Variants in KIF2C observed in about 807,000 individuals in gnomAD.
The protein encoded by KIF2C is kinesin family member 2C.
KIF2C carries 34 observed loss-of-function variants against 97.4 expected under a neutral mutation model. The observed-to-expected ratio is 0.35, with a 90% CI of 0.27 to 0.46. KIF2C has a LOEUF of 0.46. Ranked by LOEUF, KIF2C falls within the 20% of genes least tolerant of loss-of-function variation. The pLI is 1.00. For missense variants in KIF2C, 750 were observed against 907.6 expected, an observed-to-expected ratio of 0.83 and a Z score of 2.23; for synonymous variants, 313 against 318.2, an observed-to-expected ratio of 0.98 and a Z score of 0.17.
chr1:44,758,024 T>G, intron 12 of KIF2C, 25 bp from the exon 13 acceptor site: 2 of 1,614,202 alleles, frequency 1.2e-6, no homozygotes, highest in Non-Finnish European at 1.7e-6. Context: ...GCAGGTTGTT[T>G]GCTTAGCAAA....
intron 8 of KIF2C, among the ~76,000 whole-genome samples, chr1:44,755,096 A>G (rs1252551532): frequency 6.6e-6 from 1 of 151,870 alleles, no homozygotes; most frequent in Admixed American, 6.6e-5. Flanking sequence ...AGCTGGGACC[A>G]TAGATGCATT....
intron 5 of KIF2C, among the ~76,000 whole-genome samples, chr1:44,752,133 A>ATTTTTT (rs1176639607): frequency 1.7e-4 from 14 of 81,466 alleles, no homozygotes; most frequent in South Asian, 3.9e-4. Context: ...ATTAAATTGA[A>ATTTTTT]TTTTTTTTTT....
At chr1:44,750,592 C>A in intron 5 of KIF2C, 28 bp downstream of exon 5, 3 of 1,496,718 alleles carry the variant, frequency 2.0e-6, no homozygotes, top group Non-Finnish European at 1.8e-6. Flanking sequence ...CCCCAACCAC[C>A]ATGTTTGAGG....
At position 44,766,206 on chromosome 1, in the gene KIF2C, T is replaced by TG. The variant is rs1334819731; in HGVS notation, c.1972-619dup. On this transcript the variant is annotated intron_variant, in intron 19 of 20. Transcript: ENST00000372224. ...GCACACCACTTCACTCCAGCCTGGGTGACAGAGTGAGACTCCATCTCAAAA... is the reference window on the plus strand; with the variant it reads ...GCACACCACTTCACTCCAGCCTGGGTGGACAGAGTGAGACTCCATCTCAAAA... 2.7e-5 allele frequency among the ~76,000 whole-genome samples: 4 copies of TG among 148,898 alleles called. No homozygotes were observed. In the Admixed American group the frequency reaches 2.7e-4, roughly 10 times the overall value.
intron 2 of KIF2C, among the ~76,000 whole-genome samples, chr1:44,745,039 A>T (rs758906604): frequency 5.4e-5 from 8 of 149,322 alleles, no homozygotes; most frequent in Non-Finnish European, 8.9e-5. Flanking sequence ...AAAATACAAA[A>T]TTAGCTGGAC....
rs543233725 is a variant in KIF2C, at chr1:44,760,828, C to T, written c.1683+126C>T. 13 of 716,910 alleles carry T rather than the reference C, an allele frequency of 1.8e-5. No homozygotes were observed. The highest frequency in any genetic ancestry group is 2.9e-5 in the Non-Finnish European group (12 of 417,052). The allele number at this position is 716,910 out of a possible 1,614,324, so 44.4% of individuals were successfully genotyped here. On this transcript the variant is annotated intron_variant, in intron 16 of 20. Transcript: ENST00000372224. The surrounding 1 kb of genome is among the most constrained non-coding windows in gnomAD (Gnocchi z 4.2). Reference sequence around the variant, plus strand: ...GGCTGCCTGGGTTTCCAGGCTGTACCGTGACTGGGCTTCCAGACCCTGCTT... The same window carrying T: ...GGCTGCCTGGGTTTCCAGGCTGTACTGTGACTGGGCTTCCAGACCCTGCTT...
chr1:44,760,366 A>C lies in KIF2C; in HGVS notation c.1454A>C (p.His485Pro). The C allele has an allele frequency of 1.2e-6, 2 of 1,614,220 alleles. No homozygotes were observed. Among genetic ancestry groups the C allele is most frequent in the Non-Finnish European group, 8.5e-7 (1 of 1,180,040 alleles). ...ATTCTTCGAGCTAAAGGGAGAATGC[A>C]TGGCAAGTTCTCTTTGGTAGATCTG... The part of the protein sequence containing the change: ...QIILRAKGRM[H>P]GKFSLVDLAG... The change falls in exon 15 of 21, where the codon CAT (histidine) becomes CCT (proline). Residue 485 changes from histidine to proline, a missense_variant. Physicochemically the swap from His to Pro is moderately conservative, Grantham distance 77. Coordinates refer to ENST00000372224, the MANE Select transcript of KIF2C (RefSeq NM_006845.4). This position sits in a 1 kb window ranked among gnomAD's most constrained non-coding sequence, Gnocchi z 4.2.
intron 2 of KIF2C, among the ~76,000 whole-genome samples, chr1:44,743,377 T>A (rs865983829): frequency 1.3e-5 from 2 of 152,136 alleles, no homozygotes; most frequent in Admixed American, 1.3e-4. Context: ...CCTCACAGGG[T>A]TGTTGTGAGG....
At chr1:44,755,299 T>G (rs1479791299) in intron 8 of KIF2C, among the ~76,000 whole-genome samples, 2 of 152,066 alleles carry the variant, frequency 1.3e-5, no homozygotes, top group Non-Finnish European at 2.9e-5. Context: ...AGAGTCTCGC[T>G]CTGTCGCCCA....
chr1:44,767,007 C>T, intron 20 of KIF2C, 58 bp downstream of exon 20: 1 of 1,611,588 alleles, frequency 6.2e-7, no homozygotes, highest in Non-Finnish European at 8.5e-7. Context: ...GGCTCTTGGG[C>T]AGCTGCAGGT....
Position 44,767,362 on chromosome 1 carries a change from T to C in KIF2C, c.*183T>C. Reference sequence around the variant, plus strand: ...AGGGGGTCAGAGTGACATGGGACACTCCTTTTCTGTTCCTCAGTTGTCGCC... The same window carrying C: ...AGGGGGTCAGAGTGACATGGGACACCCCTTTTCTGTTCCTCAGTTGTCGCC... On this transcript the variant is annotated 3_prime_UTR_variant, in exon 21 of 21. Transcript: ENST00000372224. 1.8e-6 allele frequency: 1 copy of C among 557,592 alleles called. No individual in the cohort carries two copies. Among genetic ancestry groups the C allele is most frequent in the Non-Finnish European group, 3.2e-6 (1 of 307,902 alleles). 34.5% of individuals were successfully genotyped at this position (557,592 alleles called of 1,614,324 possible).
intron 4 of KIF2C, among the ~76,000 whole-genome samples, chr1:44,748,572 A>C (rs570363988): frequency 1.3e-5 from 2 of 152,196 alleles, no homozygotes; most frequent in South Asian, 4.2e-4. Context: ...GCAGGGTCTC[A>C]CTTGGTTGTC....
intron 6 of KIF2C, 79 bp downstream of exon 6, chr1:44,753,333 C>A: frequency 1.4e-6 from 2 of 1,477,928 alleles, no homozygotes; most frequent in South Asian, 1.4e-5. Flanking sequence ...CCTGGCCTAC[C>A]TTGGCACCTG....
intron 19 of KIF2C, among the ~76,000 whole-genome samples, chr1:44,764,720 G>T (rs1252428258): frequency 2.6e-5 from 4 of 151,482 alleles, no homozygotes; most frequent in African/African-American, 4.8e-5. Flanking sequence ...TGTTGGTCAG[G>T]CTGGTCTCGA....
At chr1:44,748,597 A>G in intron 4 of KIF2C, among the ~76,000 whole-genome samples, 1 of 152,072 alleles carries the variant, frequency 6.6e-6, no homozygotes, top group Admixed American at 6.6e-5. Context: ...CTGGAATACC[A>G]TGATATGATC....
chr1:44,754,625 G>C, intron 7 of KIF2C, 125 bp from the exon 8 acceptor site: 2 of 754,180 alleles, frequency 2.7e-6, no homozygotes, highest in Non-Finnish European at 4.8e-6. Flanking sequence ...TCAACCCAGA[G>C]CCAGGGCAGG....
In KIF2C at chr1:44,747,331, G is replaced by A. The variant is rs184764104; in HGVS notation, c.166-53G>A. On this transcript the variant is annotated intron_variant, in intron 2 of 20. Coordinates refer to ENST00000372224, the MANE Select transcript of KIF2C (RefSeq NM_006845.4). Reference sequence around the variant, plus strand: ...TCAAAAAAAAAAAAAAAGAAAAAATGTATTTGGATTGAACAATGTTGTTTC... The same window carrying A: ...TCAAAAAAAAAAAAAAAGAAAAAATATATTTGGATTGAACAATGTTGTTTC... 5.5e-4 allele frequency: 699 copies of A among 1,276,120 alleles called. 1 individual carries two copies. Among genetic ancestry groups the A allele is most frequent in the Non-Finnish European group, 7.2e-4 (642 of 895,206 alleles). The allele number at this position is 1,276,120 out of a possible 1,614,324, so 79.0% of individuals were successfully genotyped here.
Position 44,757,654 on chromosome 1 carries a change from T to C in KIF2C, c.1068+8T>C, listed in dbSNP as rs372985216. The C allele has an allele frequency of 1.3e-6, 2 of 1,596,296 alleles. No individual in the cohort carries two copies. Among genetic ancestry groups the C allele is most frequent in the Non-Finnish European group, 8.6e-7 (1 of 1,163,772 alleles). On this transcript the variant is annotated splice_region_variant and intron_variant, in intron 11 of 20. Transcript: ENST00000372224. ...GGAAGTGGCAAGACACATGTGAGTA[T>C]TGAGGCCTGGCGGGGAAAGAGCCTT...
At chr1:44,748,747 A>G (rs1448359520) in intron 4 of KIF2C, among the ~76,000 whole-genome samples, 1 of 131,782 alleles carries the variant, frequency 7.6e-6, no homozygotes, top group Non-Finnish European at 1.5e-5. Context: ...AGGTCTCACT[A>G]TGTTGCCTGG....
Sources: allele counts gnomAD v4.1 joint callset (sites outside exome capture counted in the v4.1 genomes callset), GRCh38; gene constraint gnomAD v4.1.1; non-coding constraint Gnocchi (gnomAD v3.1); transcripts MANE v1.5; gene names NCBI Gene and HGNC (gene_info 2026-07-23, HGNC 2026-07-21).